CMSS1: variants seen among roughly 807,000 people sequenced by gnomAD.
The protein encoded by CMSS1 is cms1 ribosomal small subunit homolog.
A neutral mutation model predicts 43.5 loss-of-function variants in CMSS1; 33 were observed. The ratio of observed to expected loss-of-function variants is 0.76; its 90% CI spans 0.57 to 1.01. CMSS1 has a LOEUF of 1.01. Among genes scored for constraint, CMSS1 ranks in the 50% least tolerant of loss-of-function variants. The pLI is 0.00. For synonymous variants in CMSS1, 115 were observed against 117.2 expected (o/e 0.98, Z 0.12); for missense variants, 313 against 326.4 (o/e 0.96, Z 0.32).
chr3:99,947,137 C>CAAA (rs397829321), intron 1 of CMSS1, among the ~76,000 whole-genome samples: 2,315 of 88,460 alleles, frequency 0.026, 158 homozygotes, highest in African/African-American at 0.064. Flanking sequence ...GACTCTGTCT[C>CAAA]AAAAAAAAAA....
chr3:99,958,596 A>G (rs1448404297), intron 1 of CMSS1, among the ~76,000 whole-genome samples: 1 of 152,210 alleles, frequency 6.6e-6, no homozygotes, highest in Non-Finnish European at 1.5e-5. Context: ...TAGTAGAATT[A>G]GACAACATTT....
At chr3:100,037,546 GA>G (rs1409313515) in intron 1 of CMSS1, among the ~76,000 whole-genome samples, 1 of 152,028 alleles carries the variant, frequency 6.6e-6, no homozygotes, top group Non-Finnish European at 1.5e-5. Context: ...ATAAACTGAG[GA>G]ATACAAAATT....
At chr3:100,143,874 G>A (rs914358997) in intron 1 of CMSS1, among the ~76,000 whole-genome samples, 1 of 151,768 alleles carries the variant, frequency 6.6e-6, no homozygotes, top group African/African-American at 2.4e-5. Flanking sequence ...AATTAATATT[G>A]CCACTCTTGC....
At chr3:99,956,363 G>A (rs1211087043) in intron 1 of CMSS1, among the ~76,000 whole-genome samples, 3 of 152,056 alleles carry the variant, frequency 2.0e-5, no homozygotes, top group Non-Finnish European at 4.4e-5. Flanking sequence ...AGCTTTGTTT[G>A]TTTTTGTGAG....
chr3:99,923,110 C>T (rs535187889), intron 1 of CMSS1, among the ~76,000 whole-genome samples: 3 of 151,700 alleles, frequency 2.0e-5, no homozygotes, highest in Admixed American at 2.0e-4. Context: ...TTTTTAGCTT[C>T]CATTTTCAAC....
At chr3:100,087,699 T>C (rs1407088182) in intron 1 of CMSS1, among the ~76,000 whole-genome samples, 3 of 152,148 alleles carry the variant, frequency 2.0e-5, no homozygotes, top group Non-Finnish European at 4.4e-5. Context: ...ATATTAATAA[T>C]GTCTTTCACA....
At chr3:99,896,997 G>A (rs1706276362) in intron 1 of CMSS1, among the ~76,000 whole-genome samples, 1 of 152,190 alleles carries the variant, frequency 6.6e-6, no homozygotes, top group Admixed American at 6.5e-5. Flanking sequence ...GTGCTAGAGA[G>A]AATGATTTGT....
chr3:99,850,062 C>G, intron 1 of CMSS1: 1 of 1,612,098 alleles, frequency 6.2e-7, no homozygotes, highest in Non-Finnish European at 8.5e-7. Flanking sequence ...CCTCAATTAA[C>G]TTCTCAGTAA....
rs534220033 is a variant in CMSS1, at chr3:100,014,048, C to T, written c.65-132925C>T. On this transcript the variant is annotated intron_variant, in intron 1 of 9. Transcript: ENST00000421999. ...CTATGAATTTGATTTTTTAAGATTC[C>T]GCATGTAAGTGAGATCATACAATGT... Among the ~76,000 whole-genome samples the T allele has an allele frequency of 1.1e-3, 163 of 151,920 alleles. 1 individual carries two copies. The highest frequency in any genetic ancestry group is 7.7e-3 in the Admixed American group (117 of 15,240).
intron 1 of CMSS1, among the ~76,000 whole-genome samples, chr3:99,991,549 C>T (rs1216551181): frequency 6.6e-6 from 1 of 151,976 alleles, no homozygotes; most frequent in African/African-American, 2.4e-5. Context: ...GTACCCATCA[C>T]CCAAATCACA....
At chr3:99,933,955 A>T (rs141541728) in intron 1 of CMSS1, among the ~76,000 whole-genome samples, 135 of 152,330 alleles carry the variant, frequency 8.9e-4, no homozygotes, top group African/African-American at 3.1e-3. Context: ...GTTACTCCAC[A>T]GCTTCAGCTT....
chr3:100,037,835 A>C (rs1279861267), intron 1 of CMSS1, among the ~76,000 whole-genome samples: 4 of 152,304 alleles, frequency 2.6e-5, no homozygotes, highest in African/African-American at 7.2e-5. Flanking sequence ...AAGACCTTTA[A>C]AAAACTAAAG....
chr3:100,102,577 TTG>T (rs780753837), intron 1 of CMSS1, among the ~76,000 whole-genome samples: 3 of 152,200 alleles, frequency 2.0e-5, no homozygotes, highest in Non-Finnish European at 4.4e-5. Flanking sequence ...TTTATATTTT[TTG>T]TGTTTTTCCT....
chr3:99,906,250 G>A (rs566363686), intron 1 of CMSS1, among the ~76,000 whole-genome samples: 4 of 152,096 alleles, frequency 2.6e-5, no homozygotes, highest in Non-Finnish European at 4.4e-5. Context: ...GTACTCCCTC[G>A]TTGTAAATTT....
At chr3:99,900,620 A>G (rs921951139) in intron 1 of CMSS1, among the ~76,000 whole-genome samples, 4 of 152,204 alleles carry the variant, frequency 2.6e-5, no homozygotes, top group African/African-American at 4.8e-5. Context: ...CCATTTCTTC[A>G]CACACTTAAT....
intron 1 of CMSS1, among the ~76,000 whole-genome samples, chr3:99,896,115 G>C (rs907691374): frequency 5.9e-5 from 9 of 152,250 alleles, no homozygotes; most frequent in Non-Finnish European, 8.8e-5. Context: ...AAAAAAAAAG[G>C]AAGTTAAGGG....
chr3:100,164,131 T>C (rs1351251087), intron 4 of CMSS1, among the ~76,000 whole-genome samples: 1 of 152,222 alleles, frequency 6.6e-6, no homozygotes, highest in Non-Finnish European at 1.5e-5. Flanking sequence ...ACAGTTCCAA[T>C]AGCAGTTATA....
intron 1 of CMSS1, among the ~76,000 whole-genome samples, chr3:99,953,233 T>C (rs917921157): frequency 1.3e-5 from 2 of 152,228 alleles, no homozygotes; most frequent in Middle Eastern, 3.2e-3. Flanking sequence ...TTGGTTAAGT[T>C]ATTGGTTAAG....
intron 1 of CMSS1, among the ~76,000 whole-genome samples, chr3:100,145,390 G>T (rs748101467): frequency 2.6e-5 from 4 of 152,048 alleles, no homozygotes; most frequent in Non-Finnish European, 5.9e-5. Flanking sequence ...GGAGGTTGCA[G>T]TGAGCTGAGA....
Sources: allele counts gnomAD v4.1 joint callset (sites outside exome capture counted in the v4.1 genomes callset), GRCh38; gene constraint gnomAD v4.1.1; transcripts MANE v1.5; gene names NCBI Gene and HGNC (gene_info 2026-07-23, HGNC 2026-07-21).